The following SDAD1 variants were observed in gnomAD, a reference collection of about 807,000 sequenced individuals.
SDAD1 encodes the protein protein SDA1 homolog.
SDAD1 carries 79 observed loss-of-function variants against 100.3 expected under a neutral mutation model. That is an observed-to-expected ratio of 0.79 (90% CI 0.66 to 0.95). The LOEUF (loss-of-function observed/expected upper bound fraction) is 0.95, where lower values mean the gene tolerates loss of function less well. Among genes scored for constraint, SDAD1 ranks in the 40% least tolerant of loss-of-function variants. The probability of loss-of-function intolerance (pLI) is 0.00; values close to 1 mark genes in which losing one functional copy is unlikely to be tolerated. For synonymous variants in SDAD1, 267 were observed against 271.4 expected (o/e 0.98, Z 0.16); for missense variants, 790 against 810.9 (o/e 0.97, Z 0.31).
In SDAD1 at chr4:75,961,381, C is replaced by T. The variant is rs1353672963; in HGVS notation, c.1182-73G>A. ...TCATGATTCAACACAGGAAGACTTC[C>T]TAAAAAGATTAACTCAAAAGGAAAA... is the stretch of plus-strand genomic sequence containing the variant. On this transcript the variant is annotated intron_variant, in intron 14 of 21. Coordinates refer to ENST00000356260, the MANE Select transcript of SDAD1 (RefSeq NM_018115.4). 5.4e-6 allele frequency: 6 copies of T among 1,108,468 alleles called. No homozygotes were observed. In the African/African-American group the frequency reaches 9.4e-5, roughly 17 times the overall value. 68.7% of individuals were successfully genotyped at this position (1,108,468 alleles called of 1,614,324 possible).
At chr4:75,977,335 G>A (rs1730210027) in intron 4 of SDAD1, among the ~76,000 whole-genome samples, 1 of 152,166 alleles carries the variant, frequency 6.6e-6, no homozygotes, top group South Asian at 2.1e-4. Flanking sequence ...CAGTGTGAGA[G>A]TGGGCAAGTT....
At chr4:75,989,977 C>G (rs887224253) in intron 1 of SDAD1, among the ~76,000 whole-genome samples, 3 of 152,300 alleles carry the variant, frequency 2.0e-5, no homozygotes, top group East Asian at 3.9e-4. Flanking sequence ...CAGCAAATGC[C>G]TAGCAGAGAT....
At chr4:75,966,267 T>TACACAC (rs375225256) in intron 12 of SDAD1, among the ~76,000 whole-genome samples, 3,070 of 139,196 alleles carry the variant, frequency 0.022, 51 homozygotes, top group East Asian at 0.047. Context: ...AATGAATGCA[T>TACACAC]ACACACACAC....
At chr4:75,960,912 T>A in intron 16 of SDAD1, 116 bp downstream of exon 16, 1 of 835,282 alleles carries the variant, frequency 1.2e-6, no homozygotes, top group South Asian at 1.5e-5. Flanking sequence ...ACCGTGTGCA[T>A]CATAACCATG....
chr4:75,957,753 A>G (rs1467997584), intron 18 of SDAD1, 45 bp from the exon 19 acceptor site: 3 of 1,612,164 alleles, frequency 1.9e-6, no homozygotes, highest in Admixed American at 1.7e-5. Context: ...CTCAAGTGAG[A>G]GCTCAGCCAT....
intron 3 of SDAD1, among the ~76,000 whole-genome samples, chr4:75,978,903 C>T (rs868613774): frequency 9.9e-5 from 14 of 142,060 alleles, no homozygotes; most frequent in Non-Finnish European, 2.0e-4. Context: ...TGCTTGAGCC[C>T]AGAAGCTTGA....
At chr4:75,963,559 T>C (rs1729372269) in intron 14 of SDAD1, among the ~76,000 whole-genome samples, 1 of 152,208 alleles carries the variant, frequency 6.6e-6, no homozygotes, top group South Asian at 2.1e-4. Flanking sequence ...TCCTCTTTTA[T>C]TTTGTTGAGC....
Position 75,981,651 on chromosome 4 carries a change from T to C in SDAD1, c.196-181A>G. 2.9e-6 allele frequency: 3 copies of C among 1,045,246 alleles called. No individual in the cohort carries two copies. The South Asian group carries it at 4.3e-5, about 15-fold the overall frequency. 64.7% of individuals were successfully genotyped at this position (1,045,246 alleles called of 1,614,324 possible). On this transcript the variant is annotated intron_variant, in intron 2 of 21. Transcript: ENST00000356260. ...TCTCCAACATTTATCATGGTTTCTCTAGTCTTAGTAATATTTATGGCATGA... is the reference window on the plus strand; with the variant it reads ...TCTCCAACATTTATCATGGTTTCTCCAGTCTTAGTAATATTTATGGCATGA...
intron 1 of SDAD1, among the ~76,000 whole-genome samples, chr4:75,986,733 A>C (rs941062640): frequency 2.6e-5 from 4 of 151,982 alleles, no homozygotes; most frequent in Admixed American, 2.6e-4. Flanking sequence ...CAAAACAAAA[A>C]ACACCTTTCT....
chr4:75,964,237 G>A (rs752924109), intron 13 of SDAD1, 26 bp from the exon 14 acceptor site: 2 of 1,469,600 alleles, frequency 1.4e-6, no homozygotes, highest in Admixed American at 1.7e-5. Context: ...AAAAGAGATG[G>A]GTGCTGATTA....
chr4:75,960,428 C>T (rs968040709), intron 16 of SDAD1, among the ~76,000 whole-genome samples: 2 of 152,086 alleles, frequency 1.3e-5, no homozygotes, highest in African/African-American at 4.8e-5. Flanking sequence ...AGGCACGCAC[C>T]ACCACACCCA....
chr4:75,950,091 C>A lies in SDAD1; in HGVS notation c.*659G>T, dbSNP rs1255377403. 7.1e-6 allele frequency: 1 copy of A among 140,686 alleles called. No individual in the cohort carries two copies. The highest frequency in any genetic ancestry group is 2.7e-5 in the African/African-American group (1 of 36,626). The allele number at this position is 140,686 out of a possible 1,614,324, so 8.7% of individuals were successfully genotyped here. A position where few individuals can be genotyped will look rare whatever the true frequency, so the allele number is the denominator to read the frequency against. On this transcript the variant is annotated 3_prime_UTR_variant, in exon 22 of 22. Coordinates refer to ENST00000356260, the MANE Select transcript of SDAD1 (RefSeq NM_018115.4). ...TAAAAGTGAGGTCTTAACCAAAAAG[C>A]CTTTACATGGCATTCAAAACAAAAA...
rs754258371 is a variant in SDAD1 at position 75,957,910 on chromosome 4, C to T, written c.1515G>A (p.Glu505=). ...DGWESTSLSE[E]EDADGEWIDV... Reference sequence around the variant, plus strand: ...CAATCCATTCACCATCAGCATCCTCCTCCTCACTGAGACTGGTACTTTCCC... The same window carrying T: ...CAATCCATTCACCATCAGCATCCTCTTCCTCACTGAGACTGGTACTTTCCC... Residue 505 remains glutamate, a synonymous_variant, in exon 18 of 22, where the codon GAG becomes GAA. Coordinates refer to ENST00000356260, the MANE Select transcript of SDAD1 (RefSeq NM_018115.4). The T allele has an allele frequency of 1.7e-5, 28 of 1,612,976 alleles. No homozygotes were observed. The Admixed American group carries it at 2.5e-4, about 14-fold the overall frequency.
chr4:75,965,009 AG>A (rs1384777130), intron 13 of SDAD1, among the ~76,000 whole-genome samples: 2 of 152,204 alleles, frequency 1.3e-5, no homozygotes, highest in Admixed American at 6.5e-5. Flanking sequence ...AGCGATGTTC[AG>A]GGAACAAGGG....
chr4:75,961,371 G>T, intron 14 of SDAD1, 63 bp from the exon 15 acceptor site: 1 of 1,193,450 alleles, frequency 8.4e-7, no homozygotes, highest in Non-Finnish European at 1.2e-6. Context: ...ATTCAACACA[G>T]GAAGACTTCC....
chr4:75,953,805 A>G (rs575481673), intron 21 of SDAD1, among the ~76,000 whole-genome samples: 3 of 152,364 alleles, frequency 2.0e-5, no homozygotes, highest in Non-Finnish European at 2.9e-5. Context: ...CTTCAGAATG[A>G]TATTTAGATA....
Position 75,970,290 on chromosome 4 carries a change from G to C in SDAD1, c.883+19C>G. ...CAGAGATAAGGCCAACAAGGAACTCGGACGTCATAATAACGTACCTTGGGG... is the reference window on the plus strand; with the variant it reads ...CAGAGATAAGGCCAACAAGGAACTCCGACGTCATAATAACGTACCTTGGGG... On this transcript the variant is annotated intron_variant, in intron 10 of 21. Coordinates refer to ENST00000356260, the MANE Select transcript of SDAD1 (RefSeq NM_018115.4). 1 of 1,604,292 alleles carries C rather than the reference G, an allele frequency of 6.2e-7. No homozygotes were observed. Among genetic ancestry groups the C allele is most frequent in the Non-Finnish European group, 8.5e-7 (1 of 1,171,680 alleles).
rs951149578 is a variant in SDAD1 at position 75,964,126 on chromosome 4, T to G, written c.1181+9A>C. 1 of 1,592,038 alleles carries G rather than the reference T, an allele frequency of 6.3e-7. No individual in the cohort carries two copies. The highest frequency in any genetic ancestry group is 2.2e-5 in the East Asian group (1 of 44,574). ...ATGTATCTTCTGCCTCCAACCAGATTCTACATACCCTACTGTCATGACTTC... is the reference window on the plus strand; with the variant it reads ...ATGTATCTTCTGCCTCCAACCAGATGCTACATACCCTACTGTCATGACTTC... On this transcript the variant is annotated intron_variant, in intron 14 of 21. Coordinates refer to ENST00000356260, the MANE Select transcript of SDAD1 (RefSeq NM_018115.4).
rs1688389369 is a variant in SDAD1, at chr4:75,973,318, T to C, written c.710A>G (p.Glu237Gly). ...AGAAGCAGCTATGATTAAACTAACC[T>C]CAGATTCGGAGTCACTGTCCTGTTT... is the stretch of plus-strand genomic sequence containing the variant. ...DEKQDSDSES[E>G]DDGPTARDLL... Residue 237 changes from glutamate to glycine, a missense_variant and splice_region_variant, in exon 8 of 22, where the codon GAG (glutamate) becomes GGG (glycine). By Grantham distance (98) the Glu-to-Gly change is moderately conservative. Transcript: ENST00000356260. 2 of 1,611,932 alleles carry C rather than the reference T, an allele frequency of 1.2e-6. No homozygotes were observed. The highest frequency in any genetic ancestry group is 1.3e-5 in the African/African-American group (1 of 74,954).
Sources: allele counts gnomAD v4.1 joint callset (sites outside exome capture counted in the v4.1 genomes callset), GRCh38; gene constraint gnomAD v4.1.1; transcripts MANE v1.5; gene names NCBI Gene and HGNC (gene_info 2026-07-23, HGNC 2026-07-21).